SULT4A1: variants seen among roughly 807,000 people sequenced by gnomAD.
SULT4A1 encodes the protein sulfotransferase 4A1.
SULT4A1 carries 11 observed loss-of-function variants against 35.2 expected under a neutral mutation model. That is an observed-to-expected ratio of 0.31 (90% CI 0.20 to 0.52). The LOEUF is 0.52. Among genes scored for constraint, SULT4A1 ranks in the 20% least tolerant of loss-of-function variants. The pLI is 0.97. For missense variants in SULT4A1, 271 were observed against 383.7 expected, an observed-to-expected ratio of 0.71 and a Z score of 2.45; for synonymous variants, 152 against 151.8, an observed-to-expected ratio of 1.00 and a Z score of -0.01.
chr22:43,828,782 T>C (rs974429977), intron 6 of SULT4A1: 5 of 402,840 alleles, frequency 1.2e-5, no homozygotes, highest in African/African-American at 1.0e-4. Context: ...CTGAGAAACA[T>C]CCCGCCCACA....
chr22:43,841,701 C>T, intron 2 of SULT4A1, 101 bp downstream of exon 2: 1 of 1,520,936 alleles, frequency 6.6e-7, no homozygotes, highest in Non-Finnish European at 8.9e-7. Context: ...TCTGCTCTCC[C>T]CTAATCCACA....
At chr22:43,832,195 G>A (rs1177574691) in intron 5 of SULT4A1, among the ~76,000 whole-genome samples, 1 of 152,212 alleles carries the variant, frequency 6.6e-6, no homozygotes, top group Non-Finnish European at 1.5e-5. Context: ...TCCTCTGGGC[G>A]TGAGCAGGGA....
intron 2 of SULT4A1, among the ~76,000 whole-genome samples, chr22:43,841,054 A>G (rs1015005732): frequency 3.9e-5 from 6 of 152,168 alleles, no homozygotes; most frequent in African/African-American, 1.2e-4. Flanking sequence ...GCTGCCCCCA[A>G]TGCCAAGAGC....
chr22:43,837,493 G>A (rs1162794850), intron 4 of SULT4A1, among the ~76,000 whole-genome samples: 1 of 152,200 alleles, frequency 6.6e-6, no homozygotes, highest in African/African-American at 2.4e-5. Flanking sequence ...TGGACCACAA[G>A]AGCAGGTGCC....
chr22:43,831,395 A>G (rs139802068), intron 5 of SULT4A1, among the ~76,000 whole-genome samples: 158 of 151,562 alleles, frequency 1.0e-3, no homozygotes, highest in African/African-American at 3.8e-3. Flanking sequence ...GTTCAATGCT[A>G]TGTCATTGGT....
At chr22:43,847,481 T>C (rs2063483942) in intron 1 of SULT4A1, among the ~76,000 whole-genome samples, 1 of 152,234 alleles carries the variant, frequency 6.6e-6, no homozygotes, top group Non-Finnish European at 1.5e-5. Context: ...CCCTTGGGCA[T>C]GGGCATGAGC....
At position 43,839,950 on chromosome 22, in the gene SULT4A1, A is replaced by C. The variant is rs1204933059; in HGVS notation, c.376T>G (p.Ser126Ala). The C allele has an allele frequency of 1.2e-6, 2 of 1,607,006 alleles. No homozygotes were observed. The highest frequency in any genetic ancestry group is 1.7e-6 in the Non-Finnish European group (2 of 1,177,100). Residue 126 changes from serine (S) to alanine (A), a missense_variant, in exon 3 of 7, where the codon TCC (serine) becomes GCC (alanine). By Grantham distance (99) the Ser-to-Ala change is moderately conservative. This residue lies in a region of SULT4A1 where 164 missense variants were observed against 254.1 expected (regional missense o/e 0.65). Coordinates refer to ENST00000330884, the MANE Select transcript of SULT4A1 (RefSeq NM_014351.4). ...FLPSDLHNGD[S>A]KVIYMARNPK... Reference sequence around the variant, plus strand: ...CAGAGGAGGTGCCAGCTTACCTTGGAGTCTCCATTGTGGAGGTCAGAGGGC... The same window carrying C: ...CAGAGGAGGTGCCAGCTTACCTTGGCGTCTCCATTGTGGAGGTCAGAGGGC...
chr22:43,848,573 G>A (rs2063490913), intron 1 of SULT4A1, among the ~76,000 whole-genome samples: 1 of 152,234 alleles, frequency 6.6e-6, no homozygotes, highest in African/African-American at 2.4e-5. Context: ...CTGGGAAGTG[G>A]GGGCCACGCC....
At chr22:43,834,286 G>GCCCTGTGCTTCCCGCGCCCCCACCGCGT (rs1569503079) in intron 4 of SULT4A1, among the ~76,000 whole-genome samples, 2 of 150,430 alleles carry the variant, frequency 1.3e-5, no homozygotes, top group Admixed American at 6.6e-5. Flanking sequence ...CCACACCGCG[G>GCCCTGTGCTTCCCGCGCCCCCACCGCGT]CCCTGTGCTT....
At chr22:43,855,111 GGACAGTCACAGTGGACGAGGCACT>G (rs1556464789) in intron 1 of SULT4A1, among the ~76,000 whole-genome samples, 11 of 152,168 alleles carry the variant, frequency 7.2e-5, no homozygotes, top group Non-Finnish European at 1.6e-4. Flanking sequence ...ACGATGGTGC[GGACAGTCACAGTGGACGAGGCACT>G]GACCCCACTC....
chr22:43,837,748 C>T (rs868105134), intron 4 of SULT4A1, among the ~76,000 whole-genome samples: 1 of 152,192 alleles, frequency 6.6e-6, no homozygotes, highest in Non-Finnish European at 1.5e-5. Flanking sequence ...CCAAGAGGTC[C>T]CCTTCAACCA....
intron 1 of SULT4A1, among the ~76,000 whole-genome samples, chr22:43,848,226 A>G (rs138085): frequency 0.22 from 34,180 of 152,126 alleles, 3,994 homozygotes; most frequent in African/African-American, 0.29. Context: ...TTCTTCACAG[A>G]GCTGCTGGGG....
Position 43,862,295 on chromosome 22 carries a change from A to G in SULT4A1, c.88T>C (p.Phe30Leu). ...FEFHGVRLPP[F>L]CRGKMEEIAN... ...ATCTCCTCCATCTTCCCGCGGCAGA[A>G]GGGCGGCAGCCGCACGCCATGGAAC... The change falls in exon 1 of 7, where the codon TTC becomes CTC. Residue 30 changes from phenylalanine to leucine, a missense_variant. Around this residue, in one of 3 missense-constraint regions of SULT4A1, gnomAD observed 164 missense variants for 254.1 expected, o/e 0.65. Transcript: ENST00000330884. 6.4e-7 allele frequency: 1 copy of G among 1,571,678 alleles called. No homozygotes were observed. Among genetic ancestry groups the G allele is most frequent in the African/African-American group, 1.4e-5 (1 of 71,624 alleles).
intron 1 of SULT4A1, among the ~76,000 whole-genome samples, chr22:43,842,975 ATCTC>A (rs695712): frequency 4.4e-4 from 63 of 144,580 alleles, no homozygotes; most frequent in African/African-American, 1.0e-3. Context: ...AGTAAACAGC[ATCTC>A]TCTCTCTCTC....
chr22:43,859,040 T>C (rs2049435841), intron 1 of SULT4A1, among the ~76,000 whole-genome samples: 5 of 152,170 alleles, frequency 3.3e-5, no homozygotes, highest in Non-Finnish European at 7.3e-5. Context: ...GTTAGGATTC[T>C]GGCTTCCCCC....
rs558126825 is a variant in SULT4A1 at position 43,842,037 on chromosome 22, G to T, written c.170-105C>A. 15 of 1,469,484 alleles carry T rather than the reference G, an allele frequency of 1.0e-5. No individual in the cohort carries two copies. In the South Asian group the frequency reaches 1.9e-4, roughly 18 times the overall value. The allele number at this position is 1,469,484 out of a possible 1,614,324, so 91.0% of individuals were successfully genotyped here. ...CCCAAGAAGGGGCTCAAGAGCCCCAGGTGGGGCCCAGGGCGACTGAGTCTG... is the reference window on the plus strand; with the variant it reads ...CCCAAGAAGGGGCTCAAGAGCCCCATGTGGGGCCCAGGGCGACTGAGTCTG... On this transcript the variant is annotated intron_variant, in intron 1 of 6. Coordinates refer to ENST00000330884, the MANE Select transcript of SULT4A1 (RefSeq NM_014351.4).
At chr22:43,836,702 C>T (rs961944246) in intron 4 of SULT4A1, among the ~76,000 whole-genome samples, 1 of 141,494 alleles carries the variant, frequency 7.1e-6, no homozygotes, top group Non-Finnish European at 1.5e-5. Context: ...AAACTGAAGG[C>T]TCCACAGGGA....
At chr22:43,832,737 G>A (rs1046778857) in intron 5 of SULT4A1, among the ~76,000 whole-genome samples, 6 of 152,164 alleles carry the variant, frequency 3.9e-5, no homozygotes, top group Non-Finnish European at 8.8e-5. Context: ...GTGTGGCTCT[G>A]TTCACAGCCA....
At chr22:43,833,856 T>A in intron 4 of SULT4A1, 122 bp from the exon 5 acceptor site, 1 of 820,136 alleles carries the variant, frequency 1.2e-6, no homozygotes, top group Non-Finnish European at 2.0e-6. Flanking sequence ...GACATCGTGA[T>A]CCCTGCGGAC....
Sources: gnomAD v4.1 joint callset for allele counts (sites outside exome capture counted in the v4.1 genomes callset) on GRCh38, gnomAD v4.1.1 for gene constraint, gnomAD v4.1.1 regional missense constraint, MANE v1.5 for transcripts, NCBI Gene and HGNC (gene_info 2026-07-23, HGNC 2026-07-21) for gene names.